The following ANKS1A variants were observed in gnomAD, a reference collection of about 807,000 sequenced individuals.
The protein encoded by ANKS1A is ankyrin repeat and SAM domain-containing protein 1A.
A neutral mutation model predicts 120.3 loss-of-function variants in ANKS1A; 55 were observed. The ratio of observed to expected loss-of-function variants is 0.46; its 90% confidence interval spans 0.37 to 0.57. ANKS1A has a LOEUF of 0.57. Among genes scored for constraint, ANKS1A ranks in the 20% least tolerant of loss-of-function variants. The pLI, the probability that ANKS1A is intolerant of heterozygous loss-of-function variation, is 0.00. For synonymous variants in ANKS1A, 590 were observed against 604.7 expected (o/e 0.98, Z 0.36); for missense variants, 1,123 against 1,480.3 (o/e 0.76, Z 3.96).
chr6:35,009,822 G>C (rs1218424263), intron 10 of ANKS1A: 1 of 160,194 alleles, frequency 6.2e-6, no homozygotes, highest in Non-Finnish European at 1.2e-5. Context: ...AGAATCATTT[G>C]AACCTGGGAA....
intron 11 of ANKS1A, among the ~76,000 whole-genome samples, chr6:35,032,686 A>G (rs995168315): frequency 3.9e-5 from 6 of 152,176 alleles, no homozygotes; most frequent in Non-Finnish European, 5.9e-5. Flanking sequence ...TGAGGGAGAT[A>G]TAATAATTAA....
rs571020393 is a variant in ANKS1A at position 35,085,640 on chromosome 6, T to C, written c.3133-126T>C. The C allele has an allele frequency of 2.7e-4, 223 of 817,176 alleles. 2 individuals are homozygous for C. The highest frequency in any genetic ancestry group is 1.7e-3 in the Admixed American group (49 of 28,332). 50.6% of individuals were successfully genotyped at this position (817,176 alleles called of 1,614,324 possible). ...GTAAAGGAGGGAAAGGAGGGAAGAG[T>C]GGAAGGAGGTAGGAGCGCTCCCGGG... On this transcript the variant is annotated intron_variant, in intron 21 of 23. Coordinates refer to ENST00000360359, the MANE Select transcript of ANKS1A (RefSeq NM_015245.3). This position sits in a 1 kb window ranked among gnomAD's most constrained non-coding sequence, Gnocchi z 4.7.
intron 10 of ANKS1A, among the ~76,000 whole-genome samples, chr6:35,006,731 G>T (rs968013684): frequency 6.6e-6 from 1 of 152,038 alleles, no homozygotes; most frequent in Non-Finnish European, 1.5e-5. Flanking sequence ...CTCCAGCCTG[G>T]GTGACAGAGC....
At chr6:35,052,609 TAA>T (rs59378149) in intron 11 of ANKS1A, among the ~76,000 whole-genome samples, 38,419 of 102,266 alleles carry the variant, frequency 0.38, 7,677 homozygotes, top group Middle Eastern at 0.55. Context: ...TCTTCTCTGT[TAA>T]AAAAAAAAAA....
chr6:35,082,453 T>TC lies in ANKS1A; in HGVS notation c.2710-236dup, dbSNP rs1777736099. Among the ~76,000 whole-genome samples the TC allele has an allele frequency of 6.6e-6, 1 of 152,084 alleles. No homozygotes were observed. The highest frequency in any genetic ancestry group is 1.5e-5 in the Non-Finnish European group (1 of 68,006). On this transcript the variant is annotated intron_variant, in intron 17 of 23. Coordinates refer to ENST00000360359, the MANE Select transcript of ANKS1A (RefSeq NM_015245.3). This position sits in a 1 kb window ranked among gnomAD's most constrained non-coding sequence, Gnocchi z 4.1. ...CTCATCTCGGACACCACAGAGACTG[T>TC]CCTTCCCAAGCCCTGCTCTCAGGCG...
chr6:34,975,394 C>T (rs1049767494), intron 3 of ANKS1A, among the ~76,000 whole-genome samples: 8 of 150,682 alleles, frequency 5.3e-5, no homozygotes, highest in Non-Finnish European at 1.0e-4. Flanking sequence ...GCAGAGGTTG[C>T]AGTGAGCTGA....
chr6:35,019,878 G>A (rs1284378942), intron 11 of ANKS1A, among the ~76,000 whole-genome samples: 1 of 152,156 alleles, frequency 6.6e-6, no homozygotes, highest in Non-Finnish European at 1.5e-5. Context: ...CAGGAGGTGT[G>A]AGAGGGTGGG....
the ANKS1A span, among the ~76,000 whole-genome samples, chr6:35,097,130 T>C: frequency 6.6e-6 from 1 of 152,132 alleles, no homozygotes; most frequent in Non-Finnish European, 1.5e-5. Context: ...CTTTTGTAAA[T>C]GTAAATTTAG....
intron 11 of ANKS1A, among the ~76,000 whole-genome samples, chr6:35,023,264 G>C (rs1774440033): frequency 6.6e-6 from 1 of 152,088 alleles, no homozygotes; most frequent in African/African-American, 2.4e-5. Flanking sequence ...CCATTACTAA[G>C]TTCCTTCAGG....
In ANKS1A at chr6:35,032,492, C is replaced by G. The variant is rs564139445; in HGVS notation, c.2010+14433C>G. Among the ~76,000 whole-genome samples, 4 of 152,238 alleles carry G rather than the reference C, an allele frequency of 2.6e-5. No individual in the cohort carries two copies. In the South Asian group the frequency reaches 8.3e-4, roughly 32 times the overall value. ...GTAATCACAGTTCATTTTTACAAGC[C>G]CTGCGGCTCCCCAGCCCCAAACGGG... On this transcript the variant is annotated intron_variant, in intron 11 of 23. Coordinates refer to ENST00000360359, the MANE Select transcript of ANKS1A (RefSeq NM_015245.3).
At chr6:34,942,925 C>CCCTTCCCCCTCCTTTTCCTTTCCCCTTT in intron 1 of ANKS1A, among the ~76,000 whole-genome samples, 2 of 150,250 alleles carry the variant, frequency 1.3e-5, no homozygotes, top group African/African-American at 2.5e-5. Context: ...CTTTCCCCTT[C>CCCTTCCCCCTCCTTTTCCTTTCCCCTTT]CCTTCCCCCT....
chr6:35,091,430 A>G, downstream of ANKS1A: 1 of 985,398 alleles, frequency 1.0e-6, no homozygotes, highest in Non-Finnish European at 1.2e-6. Flanking sequence ...TGAGTCTTTG[A>G]ATTGGAAAGC....
chr6:34,921,974 G>A (rs758203296), intron 1 of ANKS1A, among the ~76,000 whole-genome samples: 5 of 151,394 alleles, frequency 3.3e-5, no homozygotes, highest in Non-Finnish European at 7.4e-5. Context: ...GGGACTACAG[G>A]TGTGAGCCAC....
At chr6:34,919,867 C>G (rs1347646239) in intron 1 of ANKS1A, among the ~76,000 whole-genome samples, 1 of 152,058 alleles carries the variant, frequency 6.6e-6, no homozygotes, top group East Asian at 1.9e-4. Flanking sequence ...AGGAAGTCTT[C>G]CCAGTTCTGC....
Position 35,090,047 on chromosome 6 carries a change from G to A in ANKS1A, c.*1438G>A. The A allele has an allele frequency of 8.0e-7, 1 of 1,244,326 alleles. No individual in the cohort carries two copies. The highest frequency in any genetic ancestry group is 1.0e-6 in the Non-Finnish European group (1 of 965,370). 77.1% of individuals were successfully genotyped at this position (1,244,326 alleles called of 1,614,324 possible). A position where few individuals can be genotyped will look rare whatever the true frequency, so the allele number is the denominator to read the frequency against. On this transcript the variant is annotated 3_prime_UTR_variant, in exon 24 of 24. Transcript: ENST00000360359. ...ATGTGGTTGGCCAGAAATCAGAAGTGGGGCTGTGTCTCTGACTGGCTAGAG... is the reference window on the plus strand; with the variant it reads ...ATGTGGTTGGCCAGAAATCAGAAGTAGGGCTGTGTCTCTGACTGGCTAGAG...
At chr6:35,005,914 C>T (rs963631852) in intron 10 of ANKS1A, 12 of 311,270 alleles carry the variant, frequency 3.9e-5, no homozygotes, top group Non-Finnish European at 6.8e-5. Flanking sequence ...TTAGGCCGGG[C>T]GCGGTGGCTC....
rs534479988 is a variant in ANKS1A at position 35,057,536 on chromosome 6, T to G, written c.2078-2611T>G. On this transcript the variant is annotated intron_variant, in intron 12 of 23. Coordinates refer to ENST00000360359, the MANE Select transcript of ANKS1A (RefSeq NM_015245.3). The surrounding 1 kb of genome is among the most constrained non-coding windows in gnomAD (Gnocchi z 4.1). ...AGAGGGTAATGTGTCCAGGGCATAT[T>G]TAGAAGCCCTGGACTTCTGTCCCTG... Among the ~76,000 whole-genome samples the G allele has an allele frequency of 3.8e-4, 58 of 152,318 alleles. No homozygotes were observed. The highest frequency in any genetic ancestry group is 1.3e-3 in the African/African-American group (52 of 41,576).
At chr6:35,075,415 C>CTTTTTTT (rs747359283) in intron 13 of ANKS1A, among the ~76,000 whole-genome samples, 3 of 129,892 alleles carry the variant, frequency 2.3e-5, no homozygotes, top group Non-Finnish European at 4.9e-5. Context: ...GGTTAATTTT[C>CTTTTTTT]TTTTTTTTTT....
At chr6:35,095,556 CAAAAA>C (rs34931330), downstream of ANKS1A, among the ~76,000 whole-genome samples, 1 of 55,304 alleles carries the variant, frequency 1.8e-5, no homozygotes, top group Non-Finnish European at 3.7e-5. Flanking sequence ...GACTGTGTCA[CAAAAA>C]AAAAAAAAAA....
Sources: gnomAD v4.1 joint callset for allele counts (sites outside exome capture counted in the v4.1 genomes callset) on GRCh38, gnomAD v4.1.1 for gene constraint, Gnocchi (gnomAD v3.1) non-coding constraint, MANE v1.5 for transcripts, NCBI Gene and HGNC (gene_info 2026-07-23, HGNC 2026-07-21) for gene names.